NLRC5: variants seen among roughly 807,000 people sequenced by gnomAD.
The protein encoded by NLRC5 is protein NLRC5.
A neutral mutation model predicts 206.9 loss-of-function variants in NLRC5; 114 were observed. The observed-to-expected ratio is 0.55, with a 90% confidence interval of 0.47 to 0.64. The LOEUF (loss-of-function observed/expected upper bound fraction) is 0.64, where lower values mean the gene tolerates loss of function less well. Among genes scored for constraint, NLRC5 ranks in the 30% least tolerant of loss-of-function variants. The probability of loss-of-function intolerance (pLI) is 0.00; values close to 1 mark genes in which losing one functional copy is unlikely to be tolerated. For synonymous variants in NLRC5, 952 were observed against 962.8 expected (o/e 0.99, Z 0.21); for missense variants, 2,008 against 2,305.5 (o/e 0.87, Z 2.64).
chr16:57,067,640 G>A (rs72775180), intron 35 of NLRC5, 96 bp from the exon 36 acceptor site: 81,141 of 1,376,500 alleles, frequency 0.059, 3,215 homozygotes, highest in African/African-American at 0.12. Context: ...GCTCTTGGGT[G>A]GCCCCTTCTC....
chr16:57,077,628 C>A lies in NLRC5; in HGVS notation c.4920-91C>A, dbSNP rs1463585687. 4 of 1,310,302 alleles carry A rather than the reference C, an allele frequency of 3.1e-6. No individual in the cohort carries two copies. The African/African-American group carries it at 5.9e-5, about 19-fold the overall frequency. 81.2% of individuals were successfully genotyped at this position (1,310,302 alleles called of 1,614,324 possible). A position where few individuals can be genotyped will look rare whatever the true frequency, so the allele number is the denominator to read the frequency against. ...GTGTCGGGGGGTTGTCTCTTAGGCC[C>A]CCTGAAGCAGGGGTGGCAGACCCAG... On this transcript the variant is annotated intron_variant, in intron 41 of 48. Transcript: ENST00000688547.
intron 38 of NLRC5, among the ~76,000 whole-genome samples, chr16:57,072,775 T>C (rs778812159): frequency 2.6e-5 from 4 of 152,224 alleles, no homozygotes; most frequent in African/African-American, 9.6e-5. Flanking sequence ...TGACACCCCC[T>C]GAGAAAACTT....
At chr16:57,041,941 C>A in intron 18 of NLRC5, 41 bp from the exon 19 acceptor site, 1 of 1,398,142 alleles carries the variant, frequency 7.2e-7, no homozygotes, top group East Asian at 2.4e-5. Context: ...AACCCACTCC[C>A]CACCTGCTAA....
At chr16:57,029,644 G>A (rs1159252382) in intron 8 of NLRC5, 129 bp from the exon 9 acceptor site, 12 of 720,602 alleles carry the variant, frequency 1.7e-5, no homozygotes, top group Admixed American at 1.3e-4. Flanking sequence ...CGGCGAGCAG[G>A]CCATCAGCTC....
chr16:57,028,269 C>G (rs370317927), intron 7 of NLRC5, 33 bp from the exon 8 acceptor site: 2 of 1,603,390 alleles, frequency 1.2e-6, no homozygotes, highest in Admixed American at 1.7e-5. Context: ...TTCCCCTCCT[C>G]GTTCCTCCCC....
intron 1 of NLRC5, among the ~76,000 whole-genome samples, chr16:57,014,386 A>G (rs182968389): frequency 3.9e-5 from 6 of 152,216 alleles, no homozygotes; most frequent in Admixed American, 3.9e-4. Context: ...TATATATTTT[A>G]TTATGTTTGG....
At position 57,015,591 on chromosome 16, in the gene NLRC5, A is replaced by AAAATAAATAAGT. The variant is rs1159195164; in HGVS notation, c.-127-1473_-127-1472insGTAAATAAATAA. ...ACATAGAAAGACCCTGTCTCTTAAAAAAATAAATAAATAAATAAATAAATA... is the reference window on the plus strand; with the variant it reads ...ACATAGAAAGACCCTGTCTCTTAAAAAAATAAATAAGTAAATAAATAAATAAATAAATAAATA... On this transcript the variant is annotated intron_variant, in intron 1 of 48. Transcript: ENST00000688547. Among the ~76,000 whole-genome samples, 63 of 138,400 alleles carry AAAATAAATAAGT rather than the reference A, an allele frequency of 4.6e-4. 1 individual carries two copies. The highest frequency in any genetic ancestry group is 1.4e-3 in the Admixed American group (19 of 13,762). The allele number at this position is 138,400 out of a possible 152,430, so 90.8% of individuals were successfully genotyped here.
At chr16:57,079,191 C>T (rs1205816068) in intron 44 of NLRC5, 30 bp from the exon 45 acceptor site, 4 of 1,613,818 alleles carry the variant, frequency 2.5e-6, no homozygotes, top group Non-Finnish European at 3.4e-6. Context: ...TCTGGGGGTT[C>T]CTCTCACAGG....
intron 1 of NLRC5, among the ~76,000 whole-genome samples, chr16:56,996,929 G>A (rs529385281): frequency 1.3e-5 from 2 of 152,252 alleles, no homozygotes; most frequent in East Asian, 3.9e-4. Context: ...GAGTGCAGTA[G>A]TGTGATCACA....
At chr16:57,053,885 A>T (rs2065258213) in intron 24 of NLRC5, among the ~76,000 whole-genome samples, 1 of 152,032 alleles carries the variant, frequency 6.6e-6, no homozygotes, top group South Asian at 2.1e-4. Flanking sequence ...GGATTGGGAG[A>T]TACGAGTGGA....
At position 57,028,295 on chromosome 16, in the gene NLRC5, T is replaced by C. The variant is rs2061452728; in HGVS notation, c.2160-7T>C. ...GTTCCTCCCCACCATCTTTGCTTAC[T>C]CTGTAGGTTAGCAGGAAGTAAAATC... On this transcript the variant is annotated splice_region_variant and splice_polypyrimidine_tract_variant and intron_variant, in intron 7 of 48. Coordinates refer to ENST00000688547, the MANE Select transcript of NLRC5 (RefSeq NM_001384950.1). The C allele has an allele frequency of 2.5e-6, 4 of 1,613,172 alleles. No individual in the cohort carries two copies. The highest frequency in any genetic ancestry group is 3.4e-6 in the Non-Finnish European group (4 of 1,179,226).
rs567820013 is a variant in NLRC5 at position 57,009,421 on chromosome 16, G to T, written c.-127-7653G>T. On this transcript the variant is annotated intron_variant, in intron 1 of 48. Coordinates refer to ENST00000688547, the MANE Select transcript of NLRC5 (RefSeq NM_001384950.1). ...ATCCTGGCTGACATGGTGAAACCCC[G>T]TCTCTACTAAAAATACAAAAAATGA... is the stretch of plus-strand genomic sequence containing the variant. 1.6e-3 allele frequency among the ~76,000 whole-genome samples: 239 copies of T among 152,028 alleles called. 1 individual carries two copies. Among genetic ancestry groups the T allele is most frequent in the Non-Finnish European group, 1.9e-3 (132 of 67,974 alleles).
At chr16:57,062,587 C>T (rs1324439922) in intron 32 of NLRC5, 1 of 156,598 alleles carries the variant, frequency 6.4e-6, no homozygotes, top group Non-Finnish European at 1.4e-5. Flanking sequence ...TTCCTCTAAC[C>T]CCGACTTTCC....
At position 57,045,510 on chromosome 16, in the gene NLRC5, G is replaced by A. The variant is rs376599935; in HGVS notation, c.3248+18G>A. Reference sequence around the variant, plus strand: ...ACAAGCAGGTGAGGAGGGAACGCTCGGGGTGGGGGAGTCCCCTCCCGCTCT... The same window carrying A: ...ACAAGCAGGTGAGGAGGGAACGCTCAGGGTGGGGGAGTCCCCTCCCGCTCT... On this transcript the variant is annotated intron_variant, in intron 21 of 48. Coordinates refer to ENST00000688547, the MANE Select transcript of NLRC5 (RefSeq NM_001384950.1). 9.3e-6 allele frequency: 15 copies of A among 1,612,976 alleles called. No individual in the cohort carries two copies. The highest frequency in any genetic ancestry group is 3.3e-5 in the Admixed American group (2 of 59,996).
At chr16:57,005,928 A>C (rs1388666900) in intron 1 of NLRC5, among the ~76,000 whole-genome samples, 16 of 151,302 alleles carry the variant, frequency 1.1e-4, no homozygotes, top group African/African-American at 3.6e-4. Flanking sequence ...TCAAAAAAAA[A>C]AGGAAAAAAA....
chr16:57,075,002 G>A (rs2068193318), intron 39 of NLRC5, among the ~76,000 whole-genome samples: 1 of 110,082 alleles, frequency 9.1e-6, no homozygotes, highest in Admixed American at 1.2e-4. Context: ...TGCCTAGACT[G>A]TGCTTTTTTT....
chr16:56,991,397 T>C (rs1187069709), intron 1 of NLRC5, among the ~76,000 whole-genome samples: 1 of 148,208 alleles, frequency 6.7e-6, no homozygotes, highest in Admixed American at 6.7e-5. Flanking sequence ...TTTTTTTTTT[T>C]TTTTGACGAA....
chr16:57,029,254 C>G (rs147442320), intron 8 of NLRC5, among the ~76,000 whole-genome samples: 231 of 152,336 alleles, frequency 1.5e-3, no homozygotes, highest in Middle Eastern at 3.4e-3. Context: ...ATCACCCTCA[C>G]TCCCCTCAAC....
chr16:57,033,083 T>C (rs2062068965), intron 11 of NLRC5, among the ~76,000 whole-genome samples: 1 of 151,938 alleles, frequency 6.6e-6, no homozygotes, highest in African/African-American at 2.4e-5. Flanking sequence ...CCCCTAACGC[T>C]CCCTCAGCCC....
Sources: allele counts gnomAD v4.1 joint callset (sites outside exome capture counted in the v4.1 genomes callset), GRCh38; gene constraint gnomAD v4.1.1; transcripts MANE v1.5; gene names NCBI Gene and HGNC (gene_info 2026-07-23, HGNC 2026-07-21).